CNOT6L: variants seen among roughly 807,000 people sequenced by gnomAD.
CNOT6L encodes the protein CCR4-NOT transcription complex subunit 6-like.
Under a neutral mutation model 64.0 loss-of-function variants are expected in CNOT6L, and 7 were observed. The ratio of observed to expected loss-of-function variants is 0.11; its 90% CI spans 0.06 to 0.21. CNOT6L has a LOEUF of 0.21. Ranked by LOEUF, CNOT6L falls within the 10% of genes least tolerant of loss-of-function variation. The pLI is 1.00. For missense variants in CNOT6L, 245 were observed against 669.0 expected (o/e 0.37, Z 6.99); for synonymous variants, 193 against 243.4 (o/e 0.79, Z 1.93).
intron 1 of CNOT6L, among the ~76,000 whole-genome samples, chr4:77,781,938 A>C (rs1436599708): frequency 5.3e-5 from 8 of 152,194 alleles, no homozygotes; most frequent in Non-Finnish European, 1.5e-5. Context: ...CCCAAAATAC[A>C]AATCACTAAT....
intron 1 of CNOT6L, among the ~76,000 whole-genome samples, chr4:77,817,491 T>C (rs2110199596): frequency 6.6e-6 from 1 of 152,352 alleles, no homozygotes; most frequent in East Asian, 1.9e-4. Flanking sequence ...AAGCATCTAC[T>C]ACATGCCAAA....
intron 1 of CNOT6L, among the ~76,000 whole-genome samples, chr4:77,793,869 A>G (rs1345501849): frequency 1.3e-5 from 2 of 152,072 alleles, no homozygotes; most frequent in East Asian, 3.9e-4. Flanking sequence ...TTATATAGCC[A>G]GCTGGGCGCA....
At chr4:77,748,863 T>C (rs1724499717) in intron 5 of CNOT6L, among the ~76,000 whole-genome samples, 1 of 152,122 alleles carries the variant, frequency 6.6e-6, no homozygotes, top group African/African-American at 2.4e-5. Flanking sequence ...TTTTATAATG[T>C]CAGCACAAAA....
chr4:77,776,505 T>G, intron 1 of CNOT6L, 113 bp from the exon 2 acceptor site: 1 of 687,854 alleles, frequency 1.5e-6, no homozygotes. Context: ...AGTAAGTCAT[T>G]TTATACTACA....
intron 1 of CNOT6L, among the ~76,000 whole-genome samples, chr4:77,811,443 A>G (rs954617700): frequency 6.6e-6 from 1 of 152,118 alleles, no homozygotes; most frequent in Non-Finnish European, 1.5e-5. Flanking sequence ...GCTTCTCAAG[A>G]GGCTGAGGCA....
At chr4:77,768,474 A>AATATATAT (rs1193284066) in intron 4 of CNOT6L, among the ~76,000 whole-genome samples, 139 of 12,906 alleles carry the variant, frequency 0.011, no homozygotes, top group Admixed American at 0.044. Flanking sequence ...AAAATAAATA[A>AATATATAT]ATATATATAT....
chr4:77,777,678 A>G (rs1220160404), intron 1 of CNOT6L, among the ~76,000 whole-genome samples: 2 of 152,208 alleles, frequency 1.3e-5, no homozygotes, highest in African/African-American at 4.8e-5. Context: ...ATATATTAAC[A>G]TATATACACA....
chr4:77,803,547 G>C (rs541819502), intron 1 of CNOT6L, among the ~76,000 whole-genome samples: 7 of 152,222 alleles, frequency 4.6e-5, no homozygotes, highest in African/African-American at 1.7e-4. Flanking sequence ...GAAATAAATT[G>C]TCAATCAACA....
At chr4:77,760,958 T>C in intron 4 of CNOT6L, among the ~76,000 whole-genome samples, 1 of 144,696 alleles carries the variant, frequency 6.9e-6, no homozygotes, top group Non-Finnish European at 1.5e-5. Context: ...CCTCGTCATC[T>C]GCCCACCTCG....
Position 77,802,615 on chromosome 4 carries a change from A to G in CNOT6L, c.5+16689T>C, listed in dbSNP as rs574472035. Among the ~76,000 whole-genome samples the G allele has an allele frequency of 4.9e-4, 75 of 152,220 alleles. 1 individual carries two copies. The highest frequency in any genetic ancestry group is 9.3e-4 in the Non-Finnish European group (63 of 68,042). On this transcript the variant is annotated intron_variant, in intron 1 of 11. Coordinates refer to ENST00000504123, the MANE Select transcript of CNOT6L (RefSeq NM_144571.3). ...ACTAGACTGATAGAAGATGGAGTTT[A>G]TGGGTGAGAGAGAAAAGAAAACATG...
chr4:77,724,581 A>T (rs1211010500), intron 11 of CNOT6L, among the ~76,000 whole-genome samples: 1 of 150,886 alleles, frequency 6.6e-6, no homozygotes, highest in Non-Finnish European at 1.5e-5. Flanking sequence ...TTCAGGCTGC[A>T]GTGAGCAAAA....
At chr4:77,748,033 ACTTAAAT>A (rs898248198) in intron 6 of CNOT6L, among the ~76,000 whole-genome samples, 1 of 152,108 alleles carries the variant, frequency 6.6e-6, no homozygotes, top group African/African-American at 2.4e-5. Context: ...GGGCTGCATT[ACTTAAAT>A]CTTAAATCAC....
intron 1 of CNOT6L, among the ~76,000 whole-genome samples, chr4:77,816,624 C>T (rs1297972566): frequency 1.3e-5 from 2 of 152,070 alleles, no homozygotes; most frequent in Non-Finnish European, 2.9e-5. Context: ...TGCATAAAAG[C>T]TATACTGAAT....
intron 4 of CNOT6L, among the ~76,000 whole-genome samples, 156 bp downstream of exon 4, chr4:77,772,925 A>G (rs1322530292): frequency 6.6e-6 from 1 of 151,670 alleles, no homozygotes; most frequent in Non-Finnish European, 1.5e-5. Context: ...TCCGTCTCAA[A>G]CAAACAAACA....
chr4:77,817,980 G>C (rs557467926), intron 1 of CNOT6L, among the ~76,000 whole-genome samples: 60 of 152,332 alleles, frequency 3.9e-4, no homozygotes, highest in African/African-American at 1.4e-3. Context: ...ATGTACTGTA[G>C]ACCTATTGGC....
intron 6 of CNOT6L, among the ~76,000 whole-genome samples, chr4:77,747,270 G>A (rs1260798324): frequency 2.0e-5 from 3 of 152,068 alleles, no homozygotes; most frequent in Non-Finnish European, 4.4e-5. Flanking sequence ...AGGTTCAAGC[G>A]ATTCTCGTGC....
rs1281267727 is a variant in CNOT6L, at chr4:77,774,544, G to A, written c.300C>T (p.Asn100=). 2 of 1,609,214 alleles carry A rather than the reference G, an allele frequency of 1.2e-6. No individual in the cohort carries two copies. The highest frequency in any genetic ancestry group is 1.7e-6 in the Non-Finnish European group (2 of 1,178,072). ...KLRSLPAELG[N]MVSLRELLLN... is the part of the protein sequence containing the mutation. ...TATTTCCTCACCTGAGAGACACCAT[G>A]TTTCCTAGTTCTGCTGGTAAACTTC... The change falls in exon 3 of 12, where the codon AAC becomes AAT. Residue 100 remains asparagine (N), a synonymous_variant. Transcript: ENST00000504123.
intron 8 of CNOT6L, among the ~76,000 whole-genome samples, chr4:77,741,765 C>T (rs1191372827): frequency 6.6e-6 from 1 of 151,804 alleles, no homozygotes; most frequent in African/African-American, 2.4e-5. Flanking sequence ...TCTCAAAAAT[C>T]AATTATTAAA....
At chr4:77,747,347 T>C (rs1724311283) in intron 6 of CNOT6L, among the ~76,000 whole-genome samples, 1 of 152,094 alleles carries the variant, frequency 6.6e-6, no homozygotes, top group African/African-American at 2.4e-5. Context: ...TTTGTGTTTT[T>C]AGTAGAGATG....
Sources: gnomAD v4.1 joint callset for allele counts (sites outside exome capture counted in the v4.1 genomes callset) on GRCh38, gnomAD v4.1.1 for gene constraint, MANE v1.5 for transcripts, NCBI Gene and HGNC (gene_info 2026-07-23, HGNC 2026-07-21) for gene names.